Variants in PLD5 observed in about 807,000 individuals in gnomAD.
PLD5 encodes inactive phospholipase D5.
A neutral mutation model predicts 61.1 loss-of-function variants in PLD5; 36 were observed. The ratio of observed to expected loss-of-function variants is 0.59; its 90% CI spans 0.45 to 0.78. The LOEUF (loss-of-function observed/expected upper bound fraction) is 0.78. PLD5 is among the 30% of genes least tolerant of loss of function. PLD5 has a pLI of 0.00. For synonymous variants in PLD5, 243 were observed against 242.8 expected (o/e 1.00, Z -0.01); for missense variants, 515 against 644.4 (o/e 0.80, Z 2.17).
intron 1 of PLD5, among the ~76,000 whole-genome samples, chr1:242,360,500 A>G (rs1363082301): frequency 6.6e-6 from 1 of 152,136 alleles, no homozygotes. Flanking sequence ...TGTTGAAAAA[A>G]GCCCTCATAA....
chr1:242,338,913 C>T (rs1659680086), intron 2 of PLD5, among the ~76,000 whole-genome samples: 1 of 152,132 alleles, frequency 6.6e-6, no homozygotes, highest in Non-Finnish European at 1.5e-5. Context: ...CAAGCTATCT[C>T]CCATTTCCAG....
At chr1:242,118,383 G>A (rs1662111850) in intron 6 of PLD5, among the ~76,000 whole-genome samples, 1 of 152,164 alleles carries the variant, frequency 6.6e-6, no homozygotes, top group Admixed American at 6.5e-5. Context: ...TCTAGGAAGG[G>A]GACATACATC....
chr1:242,290,624 G>A (rs1165196045), intron 2 of PLD5, among the ~76,000 whole-genome samples: 1 of 152,046 alleles, frequency 6.6e-6, no homozygotes, highest in African/African-American at 2.4e-5. Flanking sequence ...AGATAAGTCA[G>A]TAGAGAGTAA....
chr1:242,173,796 G>A (rs1158358330), intron 5 of PLD5, among the ~76,000 whole-genome samples: 1 of 152,142 alleles, frequency 6.6e-6, no homozygotes, highest in Non-Finnish European at 1.5e-5. Context: ...AAGAAATGGG[G>A]AAAGGATTCC....
At chr1:242,353,515 T>C (rs1571957827) in intron 1 of PLD5, among the ~76,000 whole-genome samples, 2 of 152,202 alleles carry the variant, frequency 1.3e-5, no homozygotes, top group Non-Finnish European at 2.9e-5. Context: ...GAGTTTTTTA[T>C]GGTTCCATAT....
intron 5 of PLD5, among the ~76,000 whole-genome samples, chr1:242,205,593 T>G (rs770057574): frequency 5.3e-5 from 8 of 152,234 alleles, no homozygotes; most frequent in Non-Finnish European, 1.2e-4. Context: ...TCATGTTTCC[T>G]AAGGAATATT....
intron 7 of PLD5, among the ~76,000 whole-genome samples, chr1:242,110,532 A>G (rs1222199615): frequency 6.6e-6 from 1 of 152,158 alleles, no homozygotes; most frequent in Non-Finnish European, 1.5e-5. Flanking sequence ...GACTGAAGCC[A>G]GGCGCGGTGG....
At position 242,524,069 on chromosome 1, in the gene PLD5, G is replaced by C; in HGVS notation, c.189+19C>G. On this transcript the variant is annotated intron_variant, in intron 1 of 9. Transcript: ENST00000536534. Reference sequence around the variant, plus strand: ...CGGCAGGTGCCTGGCCGAGGCCCCCGGGAGCGAGTCGCCCTTACGTGCTCC... The same window carrying C: ...CGGCAGGTGCCTGGCCGAGGCCCCCCGGAGCGAGTCGCCCTTACGTGCTCC... 2.0e-6 allele frequency: 3 copies of C among 1,528,706 alleles called. No homozygotes were observed. The highest frequency in any genetic ancestry group is 2.6e-6 in the Non-Finnish European group (3 of 1,143,236). 94.7% of individuals were successfully genotyped at this position (1,528,706 alleles called of 1,614,324 possible). A position where few individuals can be genotyped will look rare whatever the true frequency, so the allele number is the denominator to read the frequency against.
intron 1 of PLD5, among the ~76,000 whole-genome samples, chr1:242,364,811 C>A (rs1661253890): frequency 6.6e-6 from 1 of 151,848 alleles, no homozygotes; most frequent in Non-Finnish European, 1.5e-5. Flanking sequence ...GGAAAAAGAA[C>A]AAATTAAACT....
chr1:242,462,223 A>G (rs1667141099), intron 1 of PLD5, among the ~76,000 whole-genome samples: 2 of 152,234 alleles, frequency 1.3e-5, no homozygotes, highest in South Asian at 4.1e-4. Flanking sequence ...TAGCAAAGAC[A>G]TGAAATCAAT....
chr1:242,358,410 T>C (rs1660877082), intron 1 of PLD5, among the ~76,000 whole-genome samples: 1 of 151,772 alleles, frequency 6.6e-6, no homozygotes, highest in Non-Finnish European at 1.5e-5. Flanking sequence ...CCTTCACTAG[T>C]TAGTCTATGC....
chr1:242,311,727 T>G (rs1676707819), intron 2 of PLD5, among the ~76,000 whole-genome samples: 1 of 152,176 alleles, frequency 6.6e-6, no homozygotes, highest in Non-Finnish European at 1.5e-5. Context: ...TTCTTTGAGC[T>G]TCTTGCATTT....
chr1:242,395,081 G>GTA lies in PLD5; in HGVS notation c.190-46841_190-46840dup, dbSNP rs1198148984. 5.6e-4 allele frequency among the ~76,000 whole-genome samples: 61 copies of GTA among 108,494 alleles called. 2 individuals are homozygous for GTA. The highest frequency in any genetic ancestry group is 7.6e-4 in the Non-Finnish European group (39 of 51,448). 71.2% of individuals were successfully genotyped at this position (108,494 alleles called of 152,430 possible). A position where few individuals can be genotyped will look rare whatever the true frequency, so the allele number is the denominator to read the frequency against. On this transcript the variant is annotated intron_variant, in intron 1 of 9. Transcript: ENST00000536534. The stretch of plus-strand genomic sequence containing the variant: ...TATATGTATATATATGAATATATAT[G>GTA]TATATATATGAATATATATGTATGT...
chr1:242,158,267 G>A (rs1038539583), intron 5 of PLD5, among the ~76,000 whole-genome samples: 1 of 152,136 alleles, frequency 6.6e-6, no homozygotes, highest in African/African-American at 2.4e-5. Context: ...GGGACCCGCT[G>A]AACCAGACCA....
At chr1:242,311,817 T>A (rs1247637898) in intron 2 of PLD5, among the ~76,000 whole-genome samples, 2 of 152,202 alleles carry the variant, frequency 1.3e-5, no homozygotes, top group Non-Finnish European at 2.9e-5. Context: ...TCTTTCTCTC[T>A]TCTTCTGGAA....
chr1:242,359,386 G>A (rs1344922288), intron 1 of PLD5, among the ~76,000 whole-genome samples: 1 of 152,124 alleles, frequency 6.6e-6, no homozygotes, highest in African/African-American at 2.4e-5. Context: ...CATGGTCAAA[G>A]CAAGACTGTT....
At chr1:242,418,682 C>G (rs73133719) in intron 1 of PLD5, among the ~76,000 whole-genome samples, 1 of 152,106 alleles carries the variant, frequency 6.6e-6, no homozygotes, top group East Asian at 1.9e-4. Context: ...CAACTGAGAA[C>G]GTGTGGGCTT....
At chr1:242,315,823 A>G (rs1346699371) in intron 2 of PLD5, among the ~76,000 whole-genome samples, 1 of 152,218 alleles carries the variant, frequency 6.6e-6, no homozygotes, top group Non-Finnish European at 1.5e-5. Context: ...CATAAAGCAC[A>G]AGATTTGAAT....
chr1:242,310,064 T>A (rs1676611811), intron 2 of PLD5, among the ~76,000 whole-genome samples: 1 of 152,102 alleles, frequency 6.6e-6, no homozygotes, highest in African/African-American at 2.4e-5. Flanking sequence ...TTTTTCTTTT[T>A]TCCAGCAAAA....
Sources: allele counts gnomAD v4.1 joint callset (sites outside exome capture counted in the v4.1 genomes callset), GRCh38; gene constraint gnomAD v4.1.1; transcripts MANE v1.5; gene names NCBI Gene and HGNC (gene_info 2026-07-23, HGNC 2026-07-21).